ARMC2: variants seen among roughly 807,000 people sequenced by gnomAD.
ARMC2 encodes the protein armadillo repeat containing 2.
A neutral mutation model predicts 90.3 loss-of-function variants in ARMC2; 67 were observed. That is an observed-to-expected ratio of 0.74 (90% CI 0.61 to 0.91). The LOEUF is 0.91. Ranked by LOEUF, ARMC2 falls within the 40% of genes least tolerant of loss-of-function variation. The pLI, the probability that ARMC2 is intolerant of heterozygous loss-of-function variation, is 0.00. For synonymous variants in ARMC2, 393 were observed against 393.0 expected, an observed-to-expected ratio of 1.00 and a Z score of 0.00; for missense variants, 920 against 1,030.9, an observed-to-expected ratio of 0.89 and a Z score of 1.47.
intron 13 of ARMC2, among the ~76,000 whole-genome samples, chr6:108,958,409 A>C (rs1231285857): frequency 6.6e-6 from 1 of 152,196 alleles, no homozygotes; most frequent in Non-Finnish European, 1.5e-5. Context: ...GGTTACATGC[A>C]TGGTAAAGTG....
rs1778933832 is a variant in ARMC2 at position 108,974,265 on chromosome 6, T to C, written c.*751T>C. 1 of 152,156 alleles carries C rather than the reference T, an allele frequency of 6.6e-6. No homozygotes were observed. Among genetic ancestry groups the C allele is most frequent in the African/African-American group, 2.4e-5 (1 of 41,438 alleles). 9.4% of individuals were successfully genotyped at this position (152,156 alleles called of 1,614,324 possible). Reference sequence around the variant, plus strand: ...GCTAGCTTTGTGGGCCTGGAGCAAGTAACTTAATTTCTTGAGCTGCAACTG... The same window carrying C: ...GCTAGCTTTGTGGGCCTGGAGCAAGCAACTTAATTTCTTGAGCTGCAACTG... On this transcript the variant is annotated 3_prime_UTR_variant, in exon 18 of 18. Transcript: ENST00000392644.
At chr6:108,987,363 A>G in the ARMC2 span, 3 of 496,100 alleles carry the variant, frequency 6.0e-6, no homozygotes, top group East Asian at 3.2e-5. Context: ...TGAAGCTGCC[A>G]AACAGTCACT....
the ARMC2 span, among the ~76,000 whole-genome samples, chr6:109,015,709 A>G: frequency 5.2e-4 from 79 of 152,340 alleles, no homozygotes; most frequent in African/African-American, 1.9e-3. Context: ...ACTTTAAGCC[A>G]TATGTTGCTA....
At chr6:109,008,488 C>A in the ARMC2 span, among the ~76,000 whole-genome samples, 1 of 152,150 alleles carries the variant, frequency 6.6e-6, no homozygotes, top group Non-Finnish European at 1.5e-5. Flanking sequence ...AAAGTGTCTT[C>A]ATTTAAGTTT....
At chr6:108,851,294 C>G (rs373177428) in intron 1 of ARMC2, among the ~76,000 whole-genome samples, 11 of 152,160 alleles carry the variant, frequency 7.2e-5, no homozygotes, top group African/African-American at 2.7e-4. Context: ...CTTTCACAAC[C>G]GAGCTCAAGC....
rs1266269269 is a variant in ARMC2 at position 108,889,992 on chromosome 6, T to C, written c.672-4475T>C. Among the ~76,000 whole-genome samples, 4 of 148,298 alleles carry C rather than the reference T, an allele frequency of 2.7e-5. No individual in the cohort carries two copies. In the East Asian group the frequency reaches 8.2e-4, roughly 30 times the overall value. ...TCACGAGGTCAGGAGATCGAGACCA[T>C]CCCGGCTAAAACGGTGAAACCCCGT... On this transcript the variant is annotated intron_variant, in intron 5 of 17. Transcript: ENST00000392644.
At chr6:109,028,453 TC>T in the ARMC2 span, among the ~76,000 whole-genome samples, 65 of 152,162 alleles carry the variant, frequency 4.3e-4, no homozygotes, top group African/African-American at 1.5e-3. Context: ...CTTAAAGTGT[TC>T]TGGTACATTT....
intron 1 of ARMC2, among the ~76,000 whole-genome samples, chr6:108,849,660 C>T (rs1329717378): frequency 6.6e-6 from 1 of 152,104 alleles, no homozygotes; most frequent in Non-Finnish European, 1.5e-5. Context: ...AGCACTTGGG[C>T]AATAATTGTT....
Position 108,895,568 on chromosome 6 carries a change from T to TTTAA in ARMC2, c.748+1027_748+1028insAATT, listed in dbSNP as rs529484534. ...GACCGTCCTTTGGGCCTTTAAAGTG[T>TTTAA]TTGAGAAAATATATAACAATATAAA... On this transcript the variant is annotated intron_variant, in intron 6 of 17. Transcript: ENST00000392644. 4.2e-3 allele frequency among the ~76,000 whole-genome samples: 632 copies of TTTAA among 151,852 alleles called. 3 individuals are homozygous for TTTAA. The highest frequency in any genetic ancestry group is 0.014 in the African/African-American group (592 of 41,396).
At chr6:108,885,671 C>T (rs1345646440) in intron 5 of ARMC2, among the ~76,000 whole-genome samples, 1 of 135,740 alleles carries the variant, frequency 7.4e-6, no homozygotes, top group African/African-American at 2.7e-5. Flanking sequence ...GAGACTCTGT[C>T]GCAAAAAAAA....
chr6:108,879,133 C>T (rs111210424), intron 5 of ARMC2, among the ~76,000 whole-genome samples: 19 of 151,276 alleles, frequency 1.3e-4, no homozygotes, highest in East Asian at 2.0e-4. Context: ...TCCATCCATC[C>T]GCTCATCTAT....
At chr6:108,873,735 T>C (rs1415906185) in intron 4 of ARMC2, among the ~76,000 whole-genome samples, 1 of 152,210 alleles carries the variant, frequency 6.6e-6, no homozygotes, top group African/African-American at 2.4e-5. Flanking sequence ...TCAAGCTGTT[T>C]ACGTCTTATT....
chr6:109,022,939 G>A, the ARMC2 span, among the ~76,000 whole-genome samples: 8 of 152,066 alleles, frequency 5.3e-5, no homozygotes, highest in Non-Finnish European at 1.2e-4. Flanking sequence ...TCCAGTGATT[G>A]TGTGCCCATC....
At chr6:109,035,041 C>T in the ARMC2 span, among the ~76,000 whole-genome samples, 1 of 152,016 alleles carries the variant, frequency 6.6e-6, no homozygotes, top group Admixed American at 6.6e-5. Flanking sequence ...TTTTCCTCAA[C>T]TTATGGTGAG....
the ARMC2 span, chr6:108,988,700 A>AT: frequency 6.3e-7 from 1 of 1,583,782 alleles, no homozygotes; most frequent in Non-Finnish European, 8.6e-7. Flanking sequence ...GTTGAAAGAC[A>AT]TAATGAGAAT....
Position 108,887,277 on chromosome 6 carries a change from A to G in ARMC2, c.672-7190A>G, listed in dbSNP as rs572175901. 3.5e-4 allele frequency among the ~76,000 whole-genome samples: 53 copies of G among 152,224 alleles called. 1 individual carries two copies. The highest frequency in any genetic ancestry group is 3.4e-3 in the Middle Eastern group (1 of 294). ...TGGGGTGCATGTGGTCCAAAAGTAG[A>G]TATTGTCCACATGATTGACTCATGG... On this transcript the variant is annotated intron_variant, in intron 5 of 17. Transcript: ENST00000392644.
At chr6:108,953,004 C>CT (rs1275839728) in intron 12 of ARMC2, 29 bp from the exon 13 acceptor site, 6 of 1,570,080 alleles carry the variant, frequency 3.8e-6, no homozygotes, top group African/African-American at 2.7e-5. Context: ...CCCCTTTGCA[C>CT]TTTTGACTCT....
chr6:108,870,676 G>A (rs1233077631), intron 4 of ARMC2, among the ~76,000 whole-genome samples: 2 of 152,148 alleles, frequency 1.3e-5, no homozygotes, highest in African/African-American at 4.8e-5. Flanking sequence ...CAATGAGGAT[G>A]TGCAGGGTGT....
the ARMC2 span, among the ~76,000 whole-genome samples, chr6:109,023,610 T>C: frequency 6.6e-6 from 1 of 152,198 alleles, no homozygotes; most frequent in Non-Finnish European, 1.5e-5. Context: ...TTTGGGGACA[T>C]ATGTTTATCT....
Sources: allele counts gnomAD v4.1 joint callset (sites outside exome capture counted in the v4.1 genomes callset), GRCh38; gene constraint gnomAD v4.1.1; transcripts MANE v1.5; gene names NCBI Gene and HGNC (gene_info 2026-07-23, HGNC 2026-07-21).